INTS3: variants seen among roughly 807,000 people sequenced by gnomAD.
INTS3 encodes the protein SOSS complex subunit A.
In INTS3, 34 loss-of-function variants were observed where a neutral mutation model predicts 146.3. The observed-to-expected ratio is 0.23, with a 90% CI of 0.18 to 0.31. The LOEUF (loss-of-function observed/expected upper bound fraction) is 0.31, where lower values mean the gene tolerates loss of function less well. INTS3 is among the 10% of genes least tolerant of loss of function. The pLI is 1.00. For synonymous variants in INTS3, 475 were observed against 494.9 expected (o/e 0.96, Z 0.53); for missense variants, 757 against 1,304.2 (o/e 0.58, Z 6.46).
intron 1 of INTS3, among the ~76,000 whole-genome samples, chr1:153,738,131 T>C (rs755184481): frequency 2.0e-5 from 3 of 152,112 alleles, no homozygotes; most frequent in Non-Finnish European, 4.4e-5. Flanking sequence ...AACAATAATG[T>C]TCTGTTGCCC....
intron 25 of INTS3, among the ~76,000 whole-genome samples, chr1:153,771,525 T>C (rs1421560351): frequency 6.6e-6 from 1 of 152,108 alleles, no homozygotes; most frequent in Non-Finnish European, 1.5e-5. Context: ...CTGACTGTTC[T>C]AGGGGAGGAG....
intron 6 of INTS3, among the ~76,000 whole-genome samples, chr1:153,749,724 C>A (rs1671886280): frequency 6.6e-6 from 1 of 152,224 alleles, no homozygotes; most frequent in Non-Finnish European, 1.5e-5. Context: ...TTTTTACTGT[C>A]CTGGGTCAGG....
At chr1:153,762,680 A>C in intron 14 of INTS3, 48 bp from the exon 15 acceptor site, 6 of 1,609,082 alleles carry the variant, frequency 3.7e-6, no homozygotes, top group Non-Finnish European at 5.1e-6. Flanking sequence ...GGGGCATGTT[A>C]GAGGACCCAG....
At chr1:153,745,065 C>G (rs940540755) in intron 3 of INTS3, among the ~76,000 whole-genome samples, 1 of 151,184 alleles carries the variant, frequency 6.6e-6, no homozygotes, top group African/African-American at 2.4e-5. Flanking sequence ...TTATGTATAT[C>G]AAATGCAGTA....
At chr1:153,759,490 G>T in intron 10 of INTS3, 36 bp from the exon 11 acceptor site, 1 of 1,402,938 alleles carries the variant, frequency 7.1e-7, no homozygotes, top group Non-Finnish European at 1.0e-6. Context: ...GGTGATTGAT[G>T]AAACTAGCCC....
At chr1:153,733,369 C>T (rs192325998) in intron 1 of INTS3, among the ~76,000 whole-genome samples, 250 of 151,212 alleles carry the variant, frequency 1.7e-3, no homozygotes, top group African/African-American at 5.8e-3. Flanking sequence ...TGCACCACCA[C>T]GCCCAGCTAA....
chr1:153,733,706 G>A (rs532363643), intron 1 of INTS3, among the ~76,000 whole-genome samples: 1 of 151,944 alleles, frequency 6.6e-6, no homozygotes, highest in Admixed American at 6.6e-5. Flanking sequence ...CCGGGTTCAA[G>A]CGATTCTCCT....
chr1:153,748,425 A>G (rs751945257), intron 5 of INTS3: 6 of 498,026 alleles, frequency 1.2e-5, no homozygotes, highest in East Asian at 3.6e-5. Flanking sequence ...TCAAGGGCCA[A>G]AATGTTCCCA....
chr1:153,764,740 C>T lies in INTS3; in HGVS notation c.1970+6C>T, dbSNP rs779411730. On this transcript the variant is annotated splice_donor_region_variant and intron_variant, in intron 19 of 29. Transcript: ENST00000318967. Reference sequence around the variant, plus strand: ...CCTCTGTACCTAATATTTAGGTAAGCACGCAGCTATAGGAGATACTGTTCT... The same window carrying T: ...CCTCTGTACCTAATATTTAGGTAAGTACGCAGCTATAGGAGATACTGTTCT... 4 of 1,601,140 alleles carry T rather than the reference C, an allele frequency of 2.5e-6. No individual in the cohort carries two copies. In the South Asian group the frequency reaches 4.4e-5, roughly 18 times the overall value.
chr1:153,770,061 GTGTGT>G (rs1558010064), intron 23 of INTS3, 132 bp from the exon 24 acceptor site: 201 of 15,490 alleles, frequency 0.013, no homozygotes, highest in East Asian at 0.039. Flanking sequence ...GGATTGGGGT[GTGTGT>G]GTGTGTGTGT....
At chr1:153,731,901 CTTTT>C (rs34353204) in intron 1 of INTS3, among the ~76,000 whole-genome samples, 3 of 65,276 alleles carry the variant, frequency 4.6e-5, no homozygotes, top group Non-Finnish European at 7.7e-5. Flanking sequence ...CTTTTTTTAA[CTTTT>C]TTTTTTTTTT....
chr1:153,760,157 G>A, intron 11 of INTS3, 154 bp from the exon 12 acceptor site: 1 of 609,888 alleles, frequency 1.6e-6, no homozygotes, highest in South Asian at 2.1e-5. Flanking sequence ...GCTTGAACCT[G>A]GGAGGCAGAG....
intron 3 of INTS3, among the ~76,000 whole-genome samples, chr1:153,746,291 C>T (rs993565313): frequency 1.1e-4 from 16 of 152,198 alleles, no homozygotes; most frequent in Non-Finnish European, 2.4e-4. Flanking sequence ...ATGGCCTCCA[C>T]CTGGTTTTGC....
chr1:153,746,635 T>C (rs1294447377), intron 3 of INTS3, among the ~76,000 whole-genome samples: 2 of 151,604 alleles, frequency 1.3e-5, no homozygotes, highest in East Asian at 3.9e-4. Flanking sequence ...TCTCCTGACC[T>C]CGTGATCCAC....
Position 153,762,823 on chromosome 1 carries a change from G to A in INTS3, c.1612G>A (p.Asp538Asn), listed in dbSNP as rs750612776. The A allele has an allele frequency of 4.3e-6, 7 of 1,614,054 alleles. No homozygotes were observed. Among genetic ancestry groups the A allele is most frequent in the African/African-American group, 4.0e-5 (3 of 74,928 alleles). Residue 538 changes from aspartate to asparagine, a missense_variant, in exon 15 of 30, where the codon GAT (aspartate) becomes AAT (asparagine). Around this residue, in one of 8 missense-constraint regions of INTS3, gnomAD observed 89 missense variants for 210.9 expected, o/e 0.42. Transcript: ENST00000318967. ...CAATGCAGAGGCAGCCTTCAGTGAC[G>A]ATGAAGAGGATCTCAACAGCAAAGG... ...YDNAEAAFSD[D>N]EEDLNSKGKK...
intron 9 of INTS3, among the ~76,000 whole-genome samples, chr1:153,755,037 C>A (rs1264786804): frequency 2.0e-5 from 3 of 152,182 alleles, no homozygotes; most frequent in East Asian, 3.8e-4. Context: ...ATACTAGTAT[C>A]ATTTACAAGT....
At chr1:153,750,560 A>G (rs916654755) in intron 6 of INTS3, among the ~76,000 whole-genome samples, 13 of 152,300 alleles carry the variant, frequency 8.5e-5, no homozygotes, top group African/African-American at 3.1e-4. Flanking sequence ...TGAGCTGCTA[A>G]TGATAAGCAG....
intron 8 of INTS3, 74 bp downstream of exon 8, chr1:153,752,482 G>GTA: frequency 1.4e-6 from 2 of 1,471,996 alleles, no homozygotes; most frequent in Non-Finnish European, 1.8e-6. Context: ...AATCAAGAAG[G>GTA]TAGAGGTTGG....
At chr1:153,740,336 G>T (rs1671480105) in intron 1 of INTS3, among the ~76,000 whole-genome samples, 1 of 152,158 alleles carries the variant, frequency 6.6e-6, no homozygotes, top group Non-Finnish European at 1.5e-5. Flanking sequence ...CTGACCTCAG[G>T]TGATCTGCCC....
Sources: allele counts gnomAD v4.1 joint callset (sites outside exome capture counted in the v4.1 genomes callset), GRCh38; gene constraint gnomAD v4.1.1; regional missense constraint gnomAD v4.1.1; transcripts MANE v1.5; gene names NCBI Gene and HGNC (gene_info 2026-07-23, HGNC 2026-07-21).